Variants in ZIM2 observed in about 807,000 individuals in gnomAD.
ZIM2 encodes zinc finger protein 656.
ZIM2 carries 14 observed loss-of-function variants against 38.6 expected under a neutral mutation model. The observed-to-expected ratio is 0.36, with a 90% CI of 0.24 to 0.57. The LOEUF (loss-of-function observed/expected upper bound fraction) is 0.57, where lower values mean the gene tolerates loss of function less well. Among genes scored for constraint, ZIM2 ranks in the 20% least tolerant of loss-of-function variants. The pLI is 0.81. For synonymous variants in ZIM2, 247 were observed against 245.8 expected (o/e 1.00, Z -0.04); for missense variants, 680 against 695.1 (o/e 0.98, Z 0.24).
intron 9 of ZIM2, chr19:56,798,020 G>A (rs2047317217): frequency 6.6e-6 from 1 of 152,076 alleles, no homozygotes. Context: ...TTAAGTTGCT[G>A]GTGCTGAAAT....
intron 9 of ZIM2, among the ~76,000 whole-genome samples, chr19:56,802,265 C>G (rs193167467): frequency 7.2e-5 from 11 of 152,258 alleles, no homozygotes; most frequent in East Asian, 3.9e-4. Flanking sequence ...ACACAGGGGG[C>G]CACCTACTTG....
Position 56,831,282 on chromosome 19 carries a change from C to T in ZIM2, c.-227+4736G>A, listed in dbSNP as rs189034998. The stretch of plus-strand genomic sequence containing the variant: ...TCAACTGTGTAAAAGTCTATAGACA[C>T]ATGGGGACTTAATTTATAATAAAGG... On this transcript the variant is annotated intron_variant, in intron 2 of 12. Coordinates refer to ENST00000629319, the MANE Select transcript of ZIM2 (RefSeq NM_001387356.1). 2.6e-5 allele frequency among the ~76,000 whole-genome samples: 4 copies of T among 152,228 alleles called. No homozygotes were observed. The East Asian group carries it at 5.8e-4, about 22-fold the overall frequency.
chr19:56,815,295 G>C (rs1168898381), intron 9 of ZIM2: 2 of 1,614,208 alleles, frequency 1.2e-6, no homozygotes, highest in Admixed American at 3.3e-5. Flanking sequence ...AGATTTTCTG[G>C]TTTGTGTTGA....
rs183365331 is a variant in ZIM2 at position 56,825,409 on chromosome 19, C to T, written c.-151+979G>A. On this transcript the variant is annotated intron_variant, in intron 3 of 12. Coordinates refer to ENST00000629319, the MANE Select transcript of ZIM2 (RefSeq NM_001387356.1). ...TGCCTTCATCAATCTTGACAAAGGT[C>T]TAATCTGTCTAAAAGAACCGGCTTT... 1.9e-3 allele frequency among the ~76,000 whole-genome samples: 292 copies of T among 152,364 alleles called. 1 individual carries two copies. Among genetic ancestry groups the T allele is most frequent in the African/African-American group, 6.9e-3 (285 of 41,590 alleles).
At chr19:56,827,064 G>A (rs1279548503) in intron 2 of ZIM2, among the ~76,000 whole-genome samples, 1 of 152,080 alleles carries the variant, frequency 6.6e-6, no homozygotes, top group Non-Finnish European at 1.5e-5. Flanking sequence ...CACTAGGGAA[G>A]AAATCTAAAA....
intron 9 of ZIM2, among the ~76,000 whole-genome samples, chr19:56,796,558 G>C (rs2047240935): frequency 6.6e-6 from 1 of 152,096 alleles, no homozygotes; most frequent in Non-Finnish European, 1.5e-5. Context: ...CTGGAGAGCG[G>C]GTCAGTCCTC....
Position 56,814,971 on chromosome 19 carries a change from G to A in ZIM2, c.490+2775C>T, listed in dbSNP as rs756499966. ...GACATTCATACAGCTGCTCTCCAGTGTAATCTCTCTGATACTCGCTGATGG... is the reference window on the plus strand; with the variant it reads ...GACATTCATACAGCTGCTCTCCAGTATAATCTCTCTGATACTCGCTGATGG... On this transcript the variant is annotated intron_variant, in intron 9 of 12. Transcript: ENST00000629319. The surrounding 1 kb of genome is among the most constrained non-coding windows in gnomAD (Gnocchi z 5.8). 1 of 1,614,160 alleles carries A rather than the reference G, an allele frequency of 6.2e-7. No individual in the cohort carries two copies. The highest frequency in any genetic ancestry group is 8.5e-7 in the Non-Finnish European group (1 of 1,180,016).
chr19:56,791,658 T>C (rs2046936616), intron 9 of ZIM2, among the ~76,000 whole-genome samples: 2 of 152,232 alleles, frequency 1.3e-5, no homozygotes, highest in Non-Finnish European at 2.9e-5. Flanking sequence ...GCCTTCCCTC[T>C]AGAGATAAGT....
At chr19:56,783,565 A>C (rs559216100) in intron 10 of ZIM2, among the ~76,000 whole-genome samples, 1 of 152,340 alleles carries the variant, frequency 6.6e-6, no homozygotes, top group East Asian at 1.9e-4. Flanking sequence ...AAGCGAACTA[A>C]CGCAGAAACA....
intron 2 of ZIM2, among the ~76,000 whole-genome samples, chr19:56,827,390 A>AAGTTATTTTTTT (rs1366714133): frequency 6.6e-6 from 1 of 152,182 alleles, no homozygotes; most frequent in Non-Finnish European, 1.5e-5. Context: ...TGAAAAATGG[A>AAGTTATTTTTTT]AGTTATTTTT....
At chr19:56,801,171 C>T (rs998779839) in intron 9 of ZIM2, among the ~76,000 whole-genome samples, 3 of 151,972 alleles carry the variant, frequency 2.0e-5, no homozygotes, top group Admixed American at 6.6e-5. Context: ...CTCCTGACCT[C>T]GTGATCCACC....
At chr19:56,836,141 T>C (rs959782568) in intron 1 of ZIM2, 37 bp from the exon 2 acceptor site, 1 of 450,008 alleles carries the variant, frequency 2.2e-6, no homozygotes, top group African/African-American at 2.0e-5. Flanking sequence ...GCCAAGTTTA[T>C]TTTGCAGTTA....
intron 9 of ZIM2, among the ~76,000 whole-genome samples, chr19:56,790,774 G>C (rs951678975): frequency 6.6e-6 from 1 of 152,196 alleles, no homozygotes; most frequent in African/African-American, 2.4e-5. Context: ...ACACTTTCAA[G>C]TGTGTTAGAA....
intron 10 of ZIM2, among the ~76,000 whole-genome samples, chr19:56,785,644 T>G (rs2145883927): frequency 6.6e-6 from 1 of 152,296 alleles, no homozygotes; most frequent in South Asian, 2.1e-4. Context: ...AGGGGTTGTC[T>G]TCATTTACAC....
Position 56,836,034 on chromosome 19 carries a change from A to G in ZIM2, c.-243T>C, listed in dbSNP as rs2062067911. The G allele has an allele frequency of 2.0e-6, 1 of 511,928 alleles. No homozygotes were observed. Among genetic ancestry groups the G allele is most frequent in the Admixed American group, 2.0e-5 (1 of 50,800 alleles). 31.7% of individuals were successfully genotyped at this position (511,928 alleles called of 1,614,324 possible). The stretch of plus-strand genomic sequence containing the variant: ...TCAACTCACCTGGACCCAGCCACCT[A>G]GCGTTTGGACCTAGTCCCTCTTCCT... On this transcript the variant is annotated 5_prime_UTR_variant, in exon 2 of 13. Coordinates refer to ENST00000629319, the MANE Select transcript of ZIM2 (RefSeq NM_001387356.1).
intron 11 of ZIM2, among the ~76,000 whole-genome samples, chr19:56,781,078 T>A (rs1600713573): frequency 6.6e-6 from 1 of 152,248 alleles, no homozygotes; most frequent in South Asian, 2.1e-4. Flanking sequence ...ATTCCCTCTA[T>A]TTTAAGTCAT....
In ZIM2 at chr19:56,814,100, C is replaced by G; in HGVS notation, c.490+3646G>C. 1.2e-6 allele frequency: 2 copies of G among 1,614,194 alleles called. No individual in the cohort carries two copies. Among genetic ancestry groups the G allele is most frequent in the Non-Finnish European group, 1.7e-6 (2 of 1,180,032 alleles). On this transcript the variant is annotated intron_variant, in intron 9 of 12. Transcript: ENST00000629319. This position sits in a 1 kb window ranked among gnomAD's most constrained non-coding sequence, Gnocchi z 5.8. ...GCACCATCTGGCTCATCAGCATCCC[C>G]ATTTGGCTGCTCGGCCTCTCCATTT...
At position 56,814,579 on chromosome 19, in the gene ZIM2, CCA is replaced by C. The variant is rs2059802257; in HGVS notation, c.490+3165_490+3166del. The C allele has an allele frequency of 6.2e-7, 1 of 1,613,802 alleles. No individual in the cohort carries two copies. Among genetic ancestry groups the C allele is most frequent in the Admixed American group, 1.7e-5 (1 of 59,994 alleles). ...TTCTGCTGGGTTGACGAAAGATTCT[CCA>C]CAGACTGCACATTCAAAGAGTCTCT... On this transcript the variant is annotated intron_variant, in intron 9 of 12. Transcript: ENST00000629319. The surrounding 1 kb of genome is among the most constrained non-coding windows in gnomAD (Gnocchi z 5.8).
chr19:56,807,707 C>T (rs1397655734), intron 9 of ZIM2, among the ~76,000 whole-genome samples: 4 of 151,984 alleles, frequency 2.6e-5, no homozygotes, highest in Non-Finnish European at 5.9e-5. Context: ...CAGAGGATCA[C>T]TCGAGCCCAG....
Sources: allele counts gnomAD v4.1 joint callset (sites outside exome capture counted in the v4.1 genomes callset), GRCh38; gene constraint gnomAD v4.1.1; non-coding constraint Gnocchi (gnomAD v3.1); transcripts MANE v1.5; gene names NCBI Gene and HGNC (gene_info 2026-07-23, HGNC 2026-07-21).